GRID2: variants seen among roughly 807,000 people sequenced by gnomAD.
The protein encoded by GRID2 is glutamate receptor ionotropic, delta-2.
Under a neutral mutation model 114.8 loss-of-function variants are expected in GRID2, and 33 were observed. The observed-to-expected ratio is 0.29, with a 90% CI of 0.22 to 0.38. The LOEUF (loss-of-function observed/expected upper bound fraction) is 0.38, where lower values mean the gene tolerates loss of function less well. Ranked by LOEUF, GRID2 falls within the 10% of genes least tolerant of loss-of-function variation. GRID2 has a pLI of 1.00. For synonymous variants in GRID2, 505 were observed against 449.9 expected (o/e 1.12, Z -1.55); for missense variants, 1,184 against 1,257.7 (o/e 0.94, Z 0.89).
intron 2 of GRID2, among the ~76,000 whole-genome samples, chr4:92,634,031 T>G (rs1433333986): frequency 6.6e-6 from 1 of 151,948 alleles, no homozygotes; most frequent in East Asian, 1.9e-4. Flanking sequence ...TGTCCAATCT[T>G]TTTGATTCTG....
In GRID2 at chr4:92,800,526, G is replaced by C. The variant is rs1424186035; in HGVS notation, c.244+210240G>C. Among the ~76,000 whole-genome samples the C allele has an allele frequency of 2.6e-5, 4 of 151,826 alleles. No homozygotes were observed. The South Asian group carries it at 8.3e-4, about 32-fold the overall frequency. ...TGGAAGGCATATCAATTGAAGGAGAGGTAACCACAGTCACATATACATGGT... is the reference window on the plus strand; with the variant it reads ...TGGAAGGCATATCAATTGAAGGAGACGTAACCACAGTCACATATACATGGT... On this transcript the variant is annotated intron_variant, in intron 2 of 15. Coordinates refer to ENST00000282020, the MANE Select transcript of GRID2 (RefSeq NM_001510.4).
intron 2 of GRID2, among the ~76,000 whole-genome samples, chr4:93,073,128 C>A (rs920903983): frequency 6.6e-6 from 1 of 152,120 alleles, no homozygotes; most frequent in Non-Finnish European, 1.5e-5. Context: ...TGCAATACTG[C>A]AAACCTTGGA....
chr4:93,364,341 CTGTGACTTA>C (rs1206579027), intron 8 of GRID2, among the ~76,000 whole-genome samples: 1 of 152,060 alleles, frequency 6.6e-6, no homozygotes, highest in Non-Finnish European at 1.5e-5. Context: ...TCAATTTTGC[CTGTGACTTA>C]GTGAGCTCTT....
At chr4:93,102,793 G>A (rs1481784902) in intron 3 of GRID2, among the ~76,000 whole-genome samples, 2 of 150,598 alleles carry the variant, frequency 1.3e-5, no homozygotes, top group Admixed American at 6.6e-5. Flanking sequence ...TTAGAACTAT[G>A]ATTCTAAGTT....
chr4:92,479,929 C>T (rs1168915716), intron 1 of GRID2, among the ~76,000 whole-genome samples: 1 of 152,030 alleles, frequency 6.6e-6, no homozygotes, highest in Non-Finnish European at 1.5e-5. Context: ...GTTATTAAAG[C>T]ATTTCATAAA....
chr4:92,904,426 C>T (rs1198929300), intron 2 of GRID2, among the ~76,000 whole-genome samples: 1 of 151,462 alleles, frequency 6.6e-6, no homozygotes, highest in Admixed American at 6.6e-5. Flanking sequence ...GATTTAATAA[C>T]TTGATATGAA....
intron 14 of GRID2, among the ~76,000 whole-genome samples, chr4:93,698,041 A>G (rs1727198758): frequency 6.6e-6 from 1 of 151,770 alleles, no homozygotes; most frequent in African/African-American, 2.4e-5. Context: ...TGGTAACTGC[A>G]CTTTCAAAAC....
At chr4:93,460,138 A>G (rs1423653417) in intron 11 of GRID2, among the ~76,000 whole-genome samples, 1 of 152,208 alleles carries the variant, frequency 6.6e-6, no homozygotes, top group African/African-American at 2.4e-5. Context: ...TATCCATGCC[A>G]TGGAAAGATA....
At chr4:92,720,692 A>T (rs1735769575) in intron 2 of GRID2, among the ~76,000 whole-genome samples, 1 of 152,114 alleles carries the variant, frequency 6.6e-6, no homozygotes, top group Non-Finnish European at 1.5e-5. Context: ...ATCTCTTTAT[A>T]ATAACCTAAT....
chr4:92,933,102 C>G (rs1750369520), intron 2 of GRID2, among the ~76,000 whole-genome samples: 1 of 150,508 alleles, frequency 6.6e-6, no homozygotes, highest in South Asian at 2.1e-4. Context: ...TCAAATACAA[C>G]TGATAAGAAT....
At chr4:93,666,615 A>G (rs1032335224) in intron 14 of GRID2, among the ~76,000 whole-genome samples, 8 of 152,092 alleles carry the variant, frequency 5.3e-5, no homozygotes, top group African/African-American at 1.9e-4. Flanking sequence ...GTAAGAGGAT[A>G]TAGCTAAAGG....
intron 1 of GRID2, among the ~76,000 whole-genome samples, chr4:92,308,959 A>C (rs546050144): frequency 1.3e-5 from 2 of 152,162 alleles, no homozygotes; most frequent in African/African-American, 4.8e-5. Context: ...TAATACAGTT[A>C]TTTGAAGCAC....
intron 14 of GRID2, among the ~76,000 whole-genome samples, chr4:93,700,940 T>C (rs982263179): frequency 6.6e-6 from 1 of 152,088 alleles, no homozygotes; most frequent in African/African-American, 2.4e-5. Flanking sequence ...CCAAGATAAA[T>C]TGATCCTAGA....
At chr4:92,312,983 T>G (rs957404398) in intron 1 of GRID2, among the ~76,000 whole-genome samples, 2 of 151,924 alleles carry the variant, frequency 1.3e-5, no homozygotes, top group African/African-American at 2.4e-5. Context: ...AAAAAGATAC[T>G]TGAACATGCA....
chr4:92,932,452 A>G (rs919060677), intron 2 of GRID2, among the ~76,000 whole-genome samples: 21 of 151,310 alleles, frequency 1.4e-4, no homozygotes, highest in Non-Finnish European at 5.9e-5. Flanking sequence ...TATAGCTCCC[A>G]TACACCACGT....
At chr4:92,857,908 C>T (rs565106421) in intron 2 of GRID2, among the ~76,000 whole-genome samples, 2 of 152,280 alleles carry the variant, frequency 1.3e-5, no homozygotes, top group South Asian at 2.1e-4. Flanking sequence ...AGCCATTGCT[C>T]ATTTGCCATT....
At chr4:93,579,988 C>T (rs1468862376) in intron 13 of GRID2, among the ~76,000 whole-genome samples, 1 of 152,160 alleles carries the variant, frequency 6.6e-6, no homozygotes, top group Non-Finnish European at 1.5e-5. Context: ...TATTAAGGCT[C>T]TCCAAAAATT....
chr4:93,236,332 A>G (rs1263501386), intron 7 of GRID2, among the ~76,000 whole-genome samples: 3 of 152,074 alleles, frequency 2.0e-5, no homozygotes, highest in Non-Finnish European at 2.9e-5. Flanking sequence ...AGGAGGAGAC[A>G]TTCTGCATGG....
intron 2 of GRID2, among the ~76,000 whole-genome samples, chr4:92,828,793 G>A (rs1741905706): frequency 6.6e-6 from 1 of 151,950 alleles, no homozygotes; most frequent in African/African-American, 2.4e-5. Context: ...TGTTGAAACA[G>A]GTATAAGTAA....
Sources: allele counts gnomAD v4.1 joint callset (sites outside exome capture counted in the v4.1 genomes callset), GRCh38; gene constraint gnomAD v4.1.1; transcripts MANE v1.5; gene names NCBI Gene and HGNC (gene_info 2026-07-23, HGNC 2026-07-21).